The following OPCML variants were observed in gnomAD, a reference collection of about 807,000 sequenced individuals.
OPCML encodes the protein opioid binding protein/cell adhesion molecule like.
In OPCML, 13 loss-of-function variants were observed where a neutral mutation model predicts 37.8. That is an observed-to-expected ratio of 0.34 (90% CI 0.22 to 0.55). The LOEUF (loss-of-function observed/expected upper bound fraction) is 0.55. Among genes scored for constraint, OPCML ranks in the 20% least tolerant of loss-of-function variants. The pLI is 0.91. For synonymous variants in OPCML, 176 were observed against 168.8 expected (o/e 1.04, Z -0.33); for missense variants, 341 against 435.6 (o/e 0.78, Z 1.93).
At chr11:133,286,622 G>A (rs1942307961) in intron 1 of OPCML, among the ~76,000 whole-genome samples, 1 of 152,146 alleles carries the variant, frequency 6.6e-6, no homozygotes, top group Non-Finnish European at 1.5e-5. Context: ...TGGCCTCGGC[G>A]GCCTTGTTGC....
At chr11:132,572,947 A>G (rs2096441951) in intron 3 of OPCML, among the ~76,000 whole-genome samples, 2 of 151,938 alleles carry the variant, frequency 1.3e-5, no homozygotes, top group South Asian at 4.2e-4. Flanking sequence ...GTAGTTTTTA[A>G]TGTAAAAATT....
At chr11:133,128,182 C>T (rs1328556335) in intron 1 of OPCML, among the ~76,000 whole-genome samples, 1 of 152,142 alleles carries the variant, frequency 6.6e-6, no homozygotes, top group Non-Finnish European at 1.5e-5. Context: ...ATACTGAAAA[C>T]TGATGGAATA....
intron 1 of OPCML, among the ~76,000 whole-genome samples, chr11:133,215,365 C>T (rs1200705107): frequency 1.3e-5 from 2 of 152,192 alleles, no homozygotes; most frequent in Non-Finnish European, 2.9e-5. Flanking sequence ...ACAGCTGCTG[C>T]TTATGTTGTT....
chr11:133,033,665 C>T (rs934327371), intron 1 of OPCML, among the ~76,000 whole-genome samples: 1 of 152,098 alleles, frequency 6.6e-6, no homozygotes, highest in East Asian at 1.9e-4. Context: ...TTGAATAGAG[C>T]ATTTTGCTAT....
intron 1 of OPCML, among the ~76,000 whole-genome samples, chr11:133,529,884 C>G (rs1948568453): frequency 6.6e-6 from 1 of 152,216 alleles, no homozygotes; most frequent in African/African-American, 2.4e-5. Context: ...CGGATCCAGC[C>G]AGGTTTCCCA....
chr11:133,138,681 TG>T (rs1328482961), intron 1 of OPCML, among the ~76,000 whole-genome samples: 1 of 152,092 alleles, frequency 6.6e-6, no homozygotes, highest in African/African-American at 2.4e-5. Flanking sequence ...CTCCCACAGA[TG>T]AAGGGAACAT....
intron 2 of OPCML, among the ~76,000 whole-genome samples, chr11:132,731,160 T>C (rs139173385): frequency 2.0e-3 from 301 of 152,346 alleles, no homozygotes; most frequent in Non-Finnish European, 3.3e-3. Flanking sequence ...AAAGCAAATG[T>C]TTAATTTTAA....
intron 1 of OPCML, among the ~76,000 whole-genome samples, chr11:133,408,850 C>T (rs774403246): frequency 2.0e-5 from 3 of 152,192 alleles, no homozygotes; most frequent in South Asian, 2.1e-4. Flanking sequence ...TGAGACAATG[C>T]GATTCAAAGA....
intron 4 of OPCML, among the ~76,000 whole-genome samples, chr11:132,483,976 C>G (rs1173190838): frequency 6.6e-6 from 1 of 152,068 alleles, no homozygotes; most frequent in Non-Finnish European, 1.5e-5. Flanking sequence ...AAAAGAAAAC[C>G]TAGGCTTTAC....
chr11:132,596,498 TGACA>T (rs1422859027), intron 3 of OPCML, among the ~76,000 whole-genome samples: 4 of 152,130 alleles, frequency 2.6e-5, no homozygotes, highest in Non-Finnish European at 5.9e-5. Context: ...AGGGAGAAAA[TGACA>T]GACAGAGAAG....
intron 2 of OPCML, among the ~76,000 whole-genome samples, chr11:132,699,003 A>T (rs941867856): frequency 2.6e-5 from 4 of 152,062 alleles, no homozygotes; most frequent in Non-Finnish European, 5.9e-5. Flanking sequence ...GGAACATGAG[A>T]TATCTTTCCA....
At chr11:132,777,155 A>G (rs1460286465) in intron 2 of OPCML, among the ~76,000 whole-genome samples, 1 of 152,186 alleles carries the variant, frequency 6.6e-6, no homozygotes, top group African/African-American at 2.4e-5. Flanking sequence ...CTAGCAGAGC[A>G]TGACATGCAA....
At chr11:133,162,368 C>T (rs1950155115) in intron 1 of OPCML, among the ~76,000 whole-genome samples, 1 of 152,196 alleles carries the variant, frequency 6.6e-6, no homozygotes, top group Non-Finnish European at 1.5e-5. Context: ...CAGAATTTTG[C>T]TGTGCGGTTT....
chr11:132,737,628 C>T lies in OPCML; in HGVS notation c.147-80309G>A, dbSNP rs982623871. The stretch of plus-strand genomic sequence containing the variant: ...GCCATTCCCATGTTGCTGACCTTTA[C>T]TTTTACTTTTTCTCCAATTAAAAAT... On this transcript the variant is annotated intron_variant, in intron 2 of 7. Coordinates refer to ENST00000524381, the MANE Select transcript of OPCML (RefSeq NM_001012393.5). Among the ~76,000 whole-genome samples, 4 of 152,120 alleles carry T rather than the reference C, an allele frequency of 2.6e-5. No individual in the cohort carries two copies. In the South Asian group the frequency reaches 6.2e-4, roughly 24 times the overall value.
chr11:132,830,726 G>A (rs888451344), intron 2 of OPCML, among the ~76,000 whole-genome samples: 3 of 152,194 alleles, frequency 2.0e-5, no homozygotes. Context: ...TTCCTCTAAA[G>A]AATTCTGCCT....
chr11:132,595,816 T>C (rs894392387), intron 3 of OPCML, among the ~76,000 whole-genome samples: 5 of 152,222 alleles, frequency 3.3e-5, no homozygotes, highest in African/African-American at 1.2e-4. Flanking sequence ...TTGGGCTATG[T>C]CAAATCTGTG....
chr11:132,451,838 G>A (rs931806295), intron 4 of OPCML, among the ~76,000 whole-genome samples: 3 of 152,158 alleles, frequency 2.0e-5, no homozygotes, highest in Non-Finnish European at 4.4e-5. Context: ...AGTTCCTTAT[G>A]GGTCTCAGTA....
rs182621801 is a variant in OPCML at position 132,776,876 on chromosome 11, C to G, written c.147-119557G>C. 3.3e-5 allele frequency among the ~76,000 whole-genome samples: 5 copies of G among 152,222 alleles called. No individual in the cohort carries two copies. In the East Asian group the frequency reaches 9.7e-4, roughly 30 times the overall value. On this transcript the variant is annotated intron_variant, in intron 2 of 7. Coordinates refer to ENST00000524381, the MANE Select transcript of OPCML (RefSeq NM_001012393.5). ...CCCAGGTCAGTGCGAGCAGTTGTTG[C>G]TCATCGCTCTCTGTTGCTTCCTGGA...
intron 1 of OPCML, among the ~76,000 whole-genome samples, chr11:133,495,355 TATAAA>T (rs1947762526): frequency 6.6e-6 from 1 of 152,236 alleles, no homozygotes; most frequent in Non-Finnish European, 1.5e-5. Context: ...ATTGCACTGC[TATAAA>T]CATGCGTATG....
Sources: allele counts gnomAD v4.1 joint callset (sites outside exome capture counted in the v4.1 genomes callset), GRCh38; gene constraint gnomAD v4.1.1; transcripts MANE v1.5; gene names NCBI Gene and HGNC (gene_info 2026-07-23, HGNC 2026-07-21).